The following AZIN2 variants were observed in gnomAD, a reference collection of about 807,000 sequenced individuals.
The protein encoded by AZIN2 is ODC antizyme inhibitor-2.
Under a neutral mutation model 47.8 loss-of-function variants are expected in AZIN2, and 28 were observed. The observed-to-expected ratio is 0.59, with a 90% CI of 0.43 to 0.80. AZIN2 has a LOEUF of 0.80. Ranked by LOEUF, AZIN2 falls within the 30% of genes least tolerant of loss-of-function variation. The pLI is 0.00. For missense variants in AZIN2, 535 were observed against 582.5 expected (o/e 0.92, Z 0.84); for synonymous variants, 221 against 239.4 (o/e 0.92, Z 0.71).
the AZIN2 span, among the ~76,000 whole-genome samples, chr1:33,144,135 C>CTTTTTTT: frequency 6.8e-6 from 1 of 146,514 alleles, no homozygotes. Context: ...AATGTTACTT[C>CTTTTTTT]TTTTTTTTTT....
At chr1:33,125,922 G>C (rs1644853477), downstream of AZIN2, among the ~76,000 whole-genome samples, 1 of 152,138 alleles carries the variant, frequency 6.6e-6, no homozygotes, top group African/African-American at 2.4e-5. Flanking sequence ...AGCACTTTGG[G>C]AGGCTGAGGC....
intron 10 of AZIN2, among the ~76,000 whole-genome samples, chr1:33,099,314 G>C (rs916874127): frequency 1.1e-4 from 16 of 152,176 alleles, no homozygotes; most frequent in African/African-American, 3.4e-4. Flanking sequence ...AGGCACCCTA[G>C]ATGTGCTTGA....
At chr1:33,146,806 A>G in the AZIN2 span, 49 of 289,518 alleles carry the variant, frequency 1.7e-4, 1 homozygote, top group South Asian at 1.7e-3. Context: ...CGGGCTGCCA[A>G]CTACTGGCCA....
the AZIN2 span, among the ~76,000 whole-genome samples, chr1:33,152,307 C>G: frequency 6.6e-6 from 1 of 152,248 alleles, no homozygotes; most frequent in African/African-American, 2.4e-5. Flanking sequence ...GGCTCACGCC[C>G]GTAATTCCAG....
the AZIN2 span, among the ~76,000 whole-genome samples, chr1:33,150,136 T>C: frequency 6.6e-6 from 1 of 152,232 alleles, no homozygotes; most frequent in Non-Finnish European, 1.5e-5. Flanking sequence ...TTGGCTTTCC[T>C]TAGCCTGAAT....
the AZIN2 span, among the ~76,000 whole-genome samples, chr1:33,160,820 G>T: frequency 6.6e-6 from 1 of 152,214 alleles, no homozygotes; most frequent in Admixed American, 6.5e-5. Context: ...AGAAAACCTT[G>T]GTGGTTACTC....
At chr1:33,114,171 G>T (rs990279218) in intron 10 of AZIN2, among the ~76,000 whole-genome samples, 2 of 151,502 alleles carry the variant, frequency 1.3e-5, no homozygotes, top group Non-Finnish European at 2.9e-5. Flanking sequence ...ACCCAGGCTG[G>T]AGTGCAGTGG....
intron 10 of AZIN2, among the ~76,000 whole-genome samples, chr1:33,101,120 C>G (rs1467561602): frequency 6.6e-6 from 1 of 152,322 alleles, no homozygotes; most frequent in Admixed American, 6.5e-5. Flanking sequence ...GCTCGGCCTC[C>G]CAAAGTGCTG....
the AZIN2 span, chr1:33,165,027 AG>A: frequency 6.5e-6 from 1 of 153,020 alleles, no homozygotes; most frequent in African/African-American, 2.4e-5. This position sits in a 1 kb window ranked among gnomAD's most constrained non-coding sequence, Gnocchi z 4.0. Flanking sequence ...CCTGGGCTCA[AG>A]CCATCATCTT....
chr1:33,098,518 T>C (rs1170045707), intron 10 of AZIN2, among the ~76,000 whole-genome samples: 2 of 152,244 alleles, frequency 1.3e-5, no homozygotes, highest in African/African-American at 4.8e-5. Context: ...CTATTTGGTT[T>C]CCTCTTTTTG....
intron 10 of AZIN2, among the ~76,000 whole-genome samples, chr1:33,104,135 G>A (rs760167918): frequency 7.2e-5 from 11 of 152,156 alleles, no homozygotes; most frequent in Non-Finnish European, 1.6e-4. Flanking sequence ...TGCCCGCCTC[G>A]GCCTCCCAAA....
chr1:33,133,698 T>C, the AZIN2 span, among the ~76,000 whole-genome samples: 2 of 152,172 alleles, frequency 1.3e-5, no homozygotes, highest in African/African-American at 4.8e-5. Context: ...GGCAGTGGAC[T>C]GCTCCCCCAG....
At chr1:33,161,043 C>A in the AZIN2 span, among the ~76,000 whole-genome samples, 1 of 152,216 alleles carries the variant, frequency 6.6e-6, no homozygotes, top group African/African-American at 2.4e-5. The surrounding 1 kb of genome is among the most constrained non-coding windows in gnomAD (Gnocchi z 4.3). Flanking sequence ...ATGGCAACGT[C>A]AGTTGCCTAA....
At chr1:33,085,893 G>A (rs1222054704) in intron 5 of AZIN2, among the ~76,000 whole-genome samples, 3 of 152,168 alleles carry the variant, frequency 2.0e-5, no homozygotes, top group Non-Finnish European at 2.9e-5. Context: ...GGACGTCCTC[G>A]TTTCCCACTT....
intron 10 of AZIN2, among the ~76,000 whole-genome samples, chr1:33,114,208 G>A (rs931650020): frequency 4.0e-5 from 6 of 148,436 alleles, no homozygotes; most frequent in African/African-American, 1.2e-4. Flanking sequence ...TGAAACCTCC[G>A]TCCGGGTTCA....
intron 5 of AZIN2, among the ~76,000 whole-genome samples, chr1:33,087,059 A>AC (rs1641987138): frequency 6.6e-6 from 1 of 152,010 alleles, no homozygotes; most frequent in Admixed American, 6.6e-5. Flanking sequence ...TGATTCATTC[A>AC]CCCCAAAAGA....
At chr1:33,088,011 C>T (rs941125871) in intron 5 of AZIN2, among the ~76,000 whole-genome samples, 1 of 152,164 alleles carries the variant, frequency 6.6e-6, no homozygotes, top group Non-Finnish European at 1.5e-5. Context: ...TACCATCTCT[C>T]CCCATCTTCT....
At chr1:33,110,208 G>A (rs1416299624) in intron 10 of AZIN2, among the ~76,000 whole-genome samples, 2 of 152,154 alleles carry the variant, frequency 1.3e-5, no homozygotes, top group Non-Finnish European at 2.9e-5. Context: ...TGGGCTTATG[G>A]CCCAAATTCA....
At chr1:33,128,851 A>T in the AZIN2 span, among the ~76,000 whole-genome samples, 1 of 152,256 alleles carries the variant, frequency 6.6e-6, no homozygotes, top group South Asian at 2.1e-4. Flanking sequence ...AACATGTTTC[A>T]TTTGAGATCT....
Sources: gnomAD v4.1 joint callset for allele counts (sites outside exome capture counted in the v4.1 genomes callset) on GRCh38, gnomAD v4.1.1 for gene constraint, Gnocchi (gnomAD v3.1) non-coding constraint, MANE v1.5 for transcripts, NCBI Gene and HGNC (gene_info 2026-07-23, HGNC 2026-07-21) for gene names.